Variants in KHDRBS3 observed in about 807,000 individuals in gnomAD.
KHDRBS3 encodes the protein KH domain-containing, RNA-binding, signal transduction-associated protein 3.
A neutral mutation model predicts 45.6 loss-of-function variants in KHDRBS3; 23 were observed. The ratio of observed to expected loss-of-function variants is 0.50; its 90% CI spans 0.36 to 0.72. The LOEUF (loss-of-function observed/expected upper bound fraction) is 0.72, where lower values mean the gene tolerates loss of function less well. KHDRBS3 is among the 30% of genes least tolerant of loss of function. KHDRBS3 has a pLI of 0.00. For missense variants in KHDRBS3, 352 were observed against 424.8 expected, an observed-to-expected ratio of 0.83 and a Z score of 1.51; for synonymous variants, 162 against 156.5, an observed-to-expected ratio of 1.04 and a Z score of -0.26.
downstream of KHDRBS3, among the ~76,000 whole-genome samples, chr8:135,652,604 CAAAT>C (rs578130227): frequency 1.2e-4 from 18 of 152,348 alleles, no homozygotes; most frequent in South Asian, 3.3e-3. Flanking sequence ...TAAATGCACA[CAAAT>C]GAATGAACAC....
chr8:135,617,535 C>G (rs1162005889), intron 7 of KHDRBS3, among the ~76,000 whole-genome samples: 1 of 152,138 alleles, frequency 6.6e-6, no homozygotes, highest in African/African-American at 2.4e-5. Context: ...GCCTCAGCCT[C>G]CCAAAGTTCT....
At chr8:135,516,570 T>TTGTGCG (rs1824616599) in intron 1 of KHDRBS3, among the ~76,000 whole-genome samples, 1 of 149,032 alleles carries the variant, frequency 6.7e-6, no homozygotes, top group South Asian at 2.1e-4. Context: ...GTTTCTTACA[T>TTGTGCG]TGTGTGTGTG....
intron 1 of KHDRBS3, among the ~76,000 whole-genome samples, chr8:135,519,366 G>A (rs1046840564): frequency 2.6e-5 from 4 of 152,152 alleles, no homozygotes; most frequent in African/African-American, 9.7e-5. Context: ...AATCCCACAA[G>A]ACTGCTGACA....
intron 2 of KHDRBS3, among the ~76,000 whole-genome samples, chr8:135,527,288 G>A (rs2130689914): frequency 6.6e-6 from 1 of 152,292 alleles, no homozygotes; most frequent in South Asian, 2.1e-4. Context: ...AAAGAACAAA[G>A]AAGAGGATCC....
chr8:135,555,939 T>C (rs1038344065), intron 4 of KHDRBS3, among the ~76,000 whole-genome samples: 2 of 152,168 alleles, frequency 1.3e-5, no homozygotes, highest in African/African-American at 2.4e-5. Context: ...ACTGTGTCCA[T>C]GTGTTCTCAT....
At chr8:135,485,957 G>A (rs544263137) in intron 1 of KHDRBS3, among the ~76,000 whole-genome samples, 10 of 151,510 alleles carry the variant, frequency 6.6e-5, no homozygotes, top group South Asian at 4.2e-4. Context: ...CTTAGCTCCC[G>A]TCTGGTGTCT....
At chr8:135,550,873 CT>C (rs1563762045) in intron 4 of KHDRBS3, among the ~76,000 whole-genome samples, 1 of 152,090 alleles carries the variant, frequency 6.6e-6, no homozygotes. Flanking sequence ...TGTTTCTTCA[CT>C]TTTAAAAAAG....
At chr8:135,477,078 T>G (rs967691461) in intron 1 of KHDRBS3, among the ~76,000 whole-genome samples, 19 of 152,342 alleles carry the variant, frequency 1.2e-4, no homozygotes, top group Middle Eastern at 3.4e-3. Context: ...TTATTGCACA[T>G]GCAATTCCAG....
intron 5 of KHDRBS3, among the ~76,000 whole-genome samples, chr8:135,578,212 A>G (rs534567730): frequency 4.6e-5 from 7 of 152,134 alleles, no homozygotes; most frequent in African/African-American, 7.2e-5. Flanking sequence ...ATAGTGTCCT[A>G]CACAAAGCCG....
At chr8:135,466,107 T>G (rs1010527752) in intron 1 of KHDRBS3, among the ~76,000 whole-genome samples, 2 of 152,244 alleles carry the variant, frequency 1.3e-5, no homozygotes, top group Non-Finnish European at 2.9e-5. Flanking sequence ...ATTTCTGAAC[T>G]GAGTCTTGAT....
At chr8:135,636,116 C>T (rs574588970) in intron 7 of KHDRBS3, among the ~76,000 whole-genome samples, 1 of 152,230 alleles carries the variant, frequency 6.6e-6, no homozygotes, top group African/African-American at 2.4e-5. Flanking sequence ...AAGCCTAGTT[C>T]ATTGCTGTGA....
chr8:135,596,293 T>C (rs191671441), intron 6 of KHDRBS3, among the ~76,000 whole-genome samples: 10 of 152,196 alleles, frequency 6.6e-5, no homozygotes, highest in African/African-American at 2.4e-4. Flanking sequence ...AGAAGGTAGG[T>C]GAGAATGTGA....
At chr8:135,492,552 G>A (rs990966045) in intron 1 of KHDRBS3, among the ~76,000 whole-genome samples, 2 of 147,544 alleles carry the variant, frequency 1.4e-5, no homozygotes, top group African/African-American at 5.2e-5. Flanking sequence ...AAAACCATTT[G>A]TTAAATGAAT....
intron 4 of KHDRBS3, among the ~76,000 whole-genome samples, chr8:135,652,940 A>G (rs1831458885): frequency 6.6e-6 from 1 of 152,196 alleles, no homozygotes. Flanking sequence ...AGTACAGGAC[A>G]ATGTACTAGG....
At chr8:135,567,574 G>GAATGT (rs1230144780) in intron 5 of KHDRBS3, among the ~76,000 whole-genome samples, 8 of 152,208 alleles carry the variant, frequency 5.3e-5, no homozygotes, top group Admixed American at 1.3e-4. Context: ...AGTAGAGAGG[G>GAATGT]AATGTGCCTT....
intron 8 of KHDRBS3, among the ~76,000 whole-genome samples, 195 bp from the exon 9 acceptor site, chr8:135,646,798 G>A (rs1206447427): frequency 6.6e-6 from 1 of 152,196 alleles, no homozygotes; most frequent in Non-Finnish European, 1.5e-5. Flanking sequence ...AATTTTGCGA[G>A]TGAGATGATT....
intron 5 of KHDRBS3, among the ~76,000 whole-genome samples, chr8:135,575,164 G>A (rs1226660657): frequency 2.0e-5 from 3 of 152,280 alleles, no homozygotes; most frequent in Admixed American, 1.3e-4. Context: ...AGGGTGAGCT[G>A]ACGAAAAAGT....
intron 7 of KHDRBS3, chr8:135,626,083 A>G (rs1393247570): frequency 3.8e-6 from 2 of 521,852 alleles, no homozygotes; most frequent in South Asian, 3.4e-5. Context: ...AGATTGTATG[A>G]CAACAAAAAT....
intron 7 of KHDRBS3, among the ~76,000 whole-genome samples, chr8:135,619,421 A>T (rs1409431192): frequency 1.3e-5 from 2 of 152,216 alleles, no homozygotes; most frequent in Non-Finnish European, 2.9e-5. Context: ...TAGAGGAAAA[A>T]AAAAAACTAT....
Sources: gnomAD v4.1 joint callset for allele counts (sites outside exome capture counted in the v4.1 genomes callset) on GRCh38, gnomAD v4.1.1 for gene constraint, MANE v1.5 for transcripts, NCBI Gene and HGNC (gene_info 2026-07-23, HGNC 2026-07-21) for gene names.